Variants in CRYBA1 observed in about 807,000 individuals in gnomAD.
CRYBA1 encodes beta-crystallin A3.
In CRYBA1, 25 loss-of-function variants were observed where a neutral mutation model predicts 36.2. The ratio of observed to expected loss-of-function variants is 0.69; its 90% CI spans 0.50 to 0.97. The LOEUF is 0.97. Ranked by LOEUF, CRYBA1 falls within the 50% of genes least tolerant of loss-of-function variation. The pLI is 0.00. For synonymous variants in CRYBA1, 111 were observed against 90.0 expected (o/e 1.23, Z -1.32); for missense variants, 224 against 276.3 (o/e 0.81, Z 1.34).
chr17:29,249,435 G>C (rs550074105), intron 2 of CRYBA1, among the ~76,000 whole-genome samples: 1 of 152,316 alleles, frequency 6.6e-6, no homozygotes, highest in East Asian at 1.9e-4. Flanking sequence ...ATGATACCTA[G>C]TTTCCTAACT....
Position 29,254,471 on chromosome 17 carries a change from T to C in CRYBA1, c.*122T>C. On this transcript the variant is annotated 3_prime_UTR_variant, in exon 6 of 6. Coordinates refer to ENST00000225387, the MANE Select transcript of CRYBA1 (RefSeq NM_005208.5). ...AAATGTTAGCTGCTGAAATCCACAA[T>C]AAACGTCATTTAAAAAAAAAAAACT... is the stretch of plus-strand genomic sequence containing the variant. 1.9e-6 allele frequency: 2 copies of C among 1,047,858 alleles called. No homozygotes were observed. The highest frequency in any genetic ancestry group is 2.8e-6 in the Non-Finnish European group (2 of 703,152). The allele number at this position is 1,047,858 out of a possible 1,614,324, so 64.9% of individuals were successfully genotyped here.
At chr17:29,252,638 CTGAT>C (rs1289588010) in intron 4 of CRYBA1, among the ~76,000 whole-genome samples, 1 of 152,182 alleles carries the variant, frequency 6.6e-6, no homozygotes, top group South Asian at 2.1e-4. Context: ...TCGATCTACA[CTGAT>C]TGATAATAAT....
intron 5 of CRYBA1, 40 bp from the exon 6 acceptor site, chr17:29,254,162 T>C (rs765309220): frequency 1.9e-6 from 3 of 1,610,146 alleles, no homozygotes; most frequent in African/African-American, 2.7e-5. Context: ...ACCAGATTCC[T>C]AATTAGTTTT....
intron 3 of CRYBA1, 100 bp from the exon 4 acceptor site, chr17:29,251,964 A>G: frequency 6.7e-7 from 1 of 1,493,984 alleles, no homozygotes; most frequent in Non-Finnish European, 9.3e-7. Context: ...TTGGCTTGAT[A>G]TTTTACCCCA....
intron 1 of CRYBA1, among the ~76,000 whole-genome samples, chr17:29,248,827 A>G (rs1005445624): frequency 1.3e-5 from 2 of 151,892 alleles, no homozygotes; most frequent in Non-Finnish European, 1.5e-5. Flanking sequence ...AACTAGCTGG[A>G]CATAGTGGTG....
intron 4 of CRYBA1, 104 bp from the exon 5 acceptor site, chr17:29,253,536 T>C: frequency 2.2e-6 from 2 of 922,678 alleles, no homozygotes; most frequent in Admixed American, 2.5e-5. Context: ...TAAATTATCA[T>C]GTGCTTCCTT....
At chr17:29,251,394 G>A (rs1258575356) in intron 3 of CRYBA1, among the ~76,000 whole-genome samples, 1 of 152,098 alleles carries the variant, frequency 6.6e-6, no homozygotes, top group Non-Finnish European at 1.5e-5. Flanking sequence ...AAGCTGTCCT[G>A]AGCTGCATGC....
chr17:29,253,711 C>T lies in CRYBA1; in HGVS notation c.429C>T (p.Asp143=), dbSNP rs774889777. The part of the protein sequence containing the change: ...NFIGRQWEIS[D]DYPSLQAMGW... ...TTGGACGCCAGTGGGAGATCTCTGA[C>T]GACTACCCCTCCTTGCAAGCCATGG... The change falls in exon 5 of 6, where the codon GAC becomes GAT. Residue 143 remains aspartate (D), a synonymous_variant. Coordinates refer to ENST00000225387, the MANE Select transcript of CRYBA1 (RefSeq NM_005208.5). 3.9e-5 allele frequency: 63 copies of T among 1,613,878 alleles called. No individual in the cohort carries two copies. Among genetic ancestry groups the T allele is most frequent in the Non-Finnish European group, 4.9e-5 (58 of 1,179,944 alleles).
rs189943305 is a variant in CRYBA1, at chr17:29,252,836, G to A, written c.357+631G>A. On this transcript the variant is annotated intron_variant, in intron 4 of 5. Coordinates refer to ENST00000225387, the MANE Select transcript of CRYBA1 (RefSeq NM_005208.5). Reference sequence around the variant, plus strand: ...TATTCAGTCTATGTGAGAGTTTCTCGTGATTTTGGTTAATAATCTCATCTT... The same window carrying A: ...TATTCAGTCTATGTGAGAGTTTCTCATGATTTTGGTTAATAATCTCATCTT... Among the ~76,000 whole-genome samples the A allele has an allele frequency of 6.6e-5, 10 of 152,316 alleles. No individual in the cohort carries two copies. The East Asian group carries it at 1.7e-3, about 26-fold the overall frequency.
rs2068927662 is a variant in CRYBA1, at chr17:29,250,280, C to T, written c.195C>T (p.Ser65=). Residue 65 remains serine, a synonymous_variant, in exon 3 of 6, where the codon TCC becomes TCT. Transcript: ENST00000225387. ...AGCGCAGTTTTGATAATGTCCGGTC[C>T]CTGAAGGTGGAAAGTGGCGCGTGAG... The part of the protein sequence containing the change: ...VSERSFDNVR[S]LKVESGAWIG... 1.2e-6 allele frequency: 2 copies of T among 1,610,674 alleles called. No individual in the cohort carries two copies. Among genetic ancestry groups the T allele is most frequent in the South Asian group, 1.1e-5 (1 of 91,024 alleles).
intron 2 of CRYBA1, 140 bp from the exon 3 acceptor site, chr17:29,250,042 C>T (rs2068925702): frequency 1.3e-6 from 1 of 749,818 alleles, no homozygotes; most frequent in African/African-American, 1.7e-5. Flanking sequence ...GCCCTGTCTA[C>T]ACTGGAAGAG....
intron 1 of CRYBA1, 141 bp from the exon 2 acceptor site, chr17:29,249,001 G>C: frequency 1.4e-6 from 1 of 698,744 alleles, no homozygotes; most frequent in Non-Finnish European, 2.6e-6. Context: ...AAACCCCGAG[G>C]CACAGCTAGT....
chr17:29,252,855 T>A (rs1420973224), intron 4 of CRYBA1, among the ~76,000 whole-genome samples: 1 of 152,236 alleles, frequency 6.6e-6, no homozygotes, highest in African/African-American at 2.4e-5. Flanking sequence ...GTTAATAATC[T>A]CATCTTGGTT....
chr17:29,252,033 A>T, intron 3 of CRYBA1, 31 bp from the exon 4 acceptor site: 1 of 1,614,126 alleles, frequency 6.2e-7, no homozygotes, highest in South Asian at 1.1e-5. Context: ...GGCTTTGAAC[A>T]CCATGAACAA....
rs1015638327 is a variant in CRYBA1, at chr17:29,254,407, T to G, written c.*58T>G. ...AAGCATGAGACCTTGCTAAGCACTC[T>G]AGAATAAGTTTTATGTTCTGCTCAC... On this transcript the variant is annotated 3_prime_UTR_variant, in exon 6 of 6. Coordinates refer to ENST00000225387, the MANE Select transcript of CRYBA1 (RefSeq NM_005208.5). 1.1e-5 allele frequency: 18 copies of G among 1,565,542 alleles called. No individual in the cohort carries two copies. The African/African-American group carries it at 2.2e-4, about 19-fold the overall frequency.
At chr17:29,252,012 A>G in intron 3 of CRYBA1, 52 bp from the exon 4 acceptor site, 1 of 1,613,878 alleles carries the variant, frequency 6.2e-7, no homozygotes, top group Non-Finnish European at 8.5e-7. Flanking sequence ...CCTTCTCCCC[A>G]AGGCCATATA....
At position 29,250,310 on chromosome 17, in the gene CRYBA1, G is replaced by C; in HGVS notation, c.215+10G>C. 1 of 1,474,096 alleles carries C rather than the reference G, an allele frequency of 6.8e-7. No individual in the cohort carries two copies. The highest frequency in any genetic ancestry group is 9.5e-7 in the Non-Finnish European group (1 of 1,051,748). 91.3% of individuals were successfully genotyped at this position (1,474,096 alleles called of 1,614,324 possible). Reference sequence around the variant, plus strand: ...AGGTGGAAAGTGGCGCGTGAGTATGGACTTCCGCAGAACCGCAGCCCCTTA... The same window carrying C: ...AGGTGGAAAGTGGCGCGTGAGTATGCACTTCCGCAGAACCGCAGCCCCTTA... On this transcript the variant is annotated intron_variant, in intron 3 of 5. Transcript: ENST00000225387.
rs2068920994 is a variant in CRYBA1 at position 29,249,265 on chromosome 17, C to T, written c.96+59C>T. On this transcript the variant is annotated intron_variant, in intron 2 of 5. Transcript: ENST00000225387. The stretch of plus-strand genomic sequence containing the variant: ...GGGTGACATGCTGCACAGAGCAGGC[C>T]CCAGGCCTGTGCTCGTCCATAAGGC... 5.0e-6 allele frequency: 6 copies of T among 1,205,928 alleles called. No homozygotes were observed. The Admixed American group carries it at 1.0e-4, about 20-fold the overall frequency. The allele number at this position is 1,205,928 out of a possible 1,614,324, so 74.7% of individuals were successfully genotyped here. A position where few individuals can be genotyped will look rare whatever the true frequency, so the allele number is the denominator to read the frequency against.
Position 29,249,194 on chromosome 17 carries a change from G to A in CRYBA1, c.84G>A (p.Leu28=). 3.1e-6 allele frequency: 5 copies of A among 1,611,744 alleles called. No homozygotes were observed. Among genetic ancestry groups the A allele is most frequent in the Non-Finnish European group, 3.4e-6 (4 of 1,178,002 alleles). Residue 28 remains leucine (L), a synonymous_variant, in exon 2 of 6, where the codon CTG becomes CTA. Transcript: ENST00000225387. ...AGACCAACCCTACGCCGGGGTCCCT[G>A]GGGCCATGGAAGGTAAGCCCACCCC... The part of the protein sequence containing the change: ...MAQTNPTPGS[L]GPWKITIYDQ...
Sources: gnomAD v4.1 joint callset for allele counts (sites outside exome capture counted in the v4.1 genomes callset) on GRCh38, gnomAD v4.1.1 for gene constraint, MANE v1.5 for transcripts, NCBI Gene and HGNC (gene_info 2026-07-23, HGNC 2026-07-21) for gene names.